FAF1: variants seen among roughly 807,000 people sequenced by gnomAD.
The protein encoded by FAF1 is FAS-associated factor 1.
Under a neutral mutation model 92.5 loss-of-function variants are expected in FAF1, and 25 were observed. That is an observed-to-expected ratio of 0.27 (90% CI 0.20 to 0.38). The LOEUF is 0.38. FAF1 is among the 10% of genes least tolerant of loss of function. FAF1 has a pLI of 1.00. For missense variants in FAF1, 636 were observed against 793.3 expected (o/e 0.80, Z 2.38); for synonymous variants, 234 against 273.2 (o/e 0.86, Z 1.42).
intron 18 of FAF1, chr1:50,452,024 GT>G (rs1646299242): frequency 7.8e-7 from 1 of 1,276,042 alleles, no homozygotes; most frequent in Admixed American, 2.6e-5. Context: ...GACAATATAA[GT>G]GGGGAAGGCC....
intron 17 of FAF1, among the ~76,000 whole-genome samples, chr1:50,486,920 C>T (rs766247961): frequency 1.3e-5 from 2 of 152,144 alleles, no homozygotes; most frequent in African/African-American, 2.4e-5. Context: ...ATATATTTCA[C>T]GCATTTCTCT....
At chr1:50,520,015 C>T (rs947544342) in intron 15 of FAF1, among the ~76,000 whole-genome samples, 10 of 152,042 alleles carry the variant, frequency 6.6e-5, no homozygotes, top group East Asian at 1.9e-4. Context: ...GAGCACAATG[C>T]GGATATATAG....
intron 7 of FAF1, among the ~76,000 whole-genome samples, chr1:50,669,590 G>A (rs1372617842): frequency 6.6e-6 from 1 of 152,116 alleles, no homozygotes; most frequent in East Asian, 1.9e-4. Flanking sequence ...AAGATTTCAA[G>A]AAAGCAAAAG....
intron 13 of FAF1, among the ~76,000 whole-genome samples, chr1:50,551,781 G>A (rs1008309815): frequency 6.6e-6 from 1 of 152,140 alleles, no homozygotes; most frequent in African/African-American, 2.4e-5. Flanking sequence ...TTGTCATCAG[G>A]AAATTCAATC....
intron 4 of FAF1, among the ~76,000 whole-genome samples, chr1:50,760,061 C>T (rs1660259722): frequency 6.6e-6 from 1 of 151,542 alleles, no homozygotes; most frequent in Non-Finnish European, 1.5e-5. Context: ...CGCCCTTTGT[C>T]AGATGAGTAG....
intron 8 of FAF1, among the ~76,000 whole-genome samples, chr1:50,642,212 A>G (rs1557451293): frequency 6.6e-6 from 1 of 151,468 alleles, no homozygotes; most frequent in Non-Finnish European, 1.5e-5. Context: ...CAGAAAAAAA[A>G]AAAAAAAAAA....
chr1:50,777,551 T>C (rs1418014731), intron 4 of FAF1, among the ~76,000 whole-genome samples: 1 of 151,986 alleles, frequency 6.6e-6, no homozygotes, highest in Non-Finnish European at 1.5e-5. Context: ...GACCTTAAAC[T>C]GGAAAAAAAT....
At chr1:50,673,427 A>C (rs1655986517) in intron 7 of FAF1, among the ~76,000 whole-genome samples, 1 of 152,250 alleles carries the variant, frequency 6.6e-6, no homozygotes, top group African/African-American at 2.4e-5. Flanking sequence ...AAAAATACAT[A>C]CTGAGTACCT....
chr1:50,707,677 G>C (rs1247487949), intron 6 of FAF1, among the ~76,000 whole-genome samples: 2 of 151,974 alleles, frequency 1.3e-5, no homozygotes, highest in East Asian at 1.9e-4. Context: ...CTGGGCGATA[G>C]AGGGAGACGC....
chr1:50,588,847 A>G (rs1651368056), intron 9 of FAF1, among the ~76,000 whole-genome samples: 1 of 152,188 alleles, frequency 6.6e-6, no homozygotes, highest in Non-Finnish European at 1.5e-5. Context: ...CTGGCTGCAG[A>G]CATGCCTCTG....
chr1:50,613,728 T>C (rs1335548856), intron 8 of FAF1, among the ~76,000 whole-genome samples: 2 of 152,174 alleles, frequency 1.3e-5, no homozygotes, highest in African/African-American at 4.8e-5. Context: ...TCACTCAATA[T>C]ACATGTGTTT....
Position 50,661,539 on chromosome 1 carries a change from T to A in FAF1, c.658-6011A>T, listed in dbSNP as rs116502428. Among the ~76,000 whole-genome samples the A allele has an allele frequency of 2.3e-3, 356 of 152,306 alleles. 1 individual carries two copies. The highest frequency in any genetic ancestry group is 8.4e-3 in the African/African-American group (348 of 41,578). ...TACAGCCATCCATCTCATTCTTTTATCATTCTTAGAAGAAAAAGGACTCTG... is the reference window on the plus strand; with the variant it reads ...TACAGCCATCCATCTCATTCTTTTAACATTCTTAGAAGAAAAAGGACTCTG... On this transcript the variant is annotated intron_variant, in intron 7 of 18. Coordinates refer to ENST00000396153, the MANE Select transcript of FAF1 (RefSeq NM_007051.3).
intron 1 of FAF1, among the ~76,000 whole-genome samples, chr1:50,917,680 AAAGGAAAGGAAAG>A (rs1557588586): frequency 5.3e-5 from 8 of 150,708 alleles, no homozygotes; most frequent in African/African-American, 2.0e-4. Context: ...AAAGGAAAGG[AAAGGAAAGGAAAG>A]GAAAGGAAAA....
At chr1:50,926,832 C>T (rs968941971) in intron 1 of FAF1, among the ~76,000 whole-genome samples, 1 of 152,166 alleles carries the variant, frequency 6.6e-6, no homozygotes, top group African/African-American at 2.4e-5. Flanking sequence ...GTTCATAGTA[C>T]CATTGTTGAC....
intron 6 of FAF1, among the ~76,000 whole-genome samples, chr1:50,734,074 G>GGCGT (rs1432295143): frequency 3.9e-5 from 6 of 152,332 alleles, no homozygotes; most frequent in Admixed American, 3.3e-4. Context: ...TGGGAATACA[G>GGCGT]GCGTGAGCCA....
At chr1:50,704,486 C>T (rs1243912625) in intron 7 of FAF1, among the ~76,000 whole-genome samples, 2 of 152,020 alleles carry the variant, frequency 1.3e-5, no homozygotes, top group Non-Finnish European at 2.9e-5. Context: ...TTCACATATA[C>T]AATTTAGATT....
chr1:50,739,299 T>C (rs945029745), intron 5 of FAF1, among the ~76,000 whole-genome samples: 7 of 152,042 alleles, frequency 4.6e-5, no homozygotes, highest in African/African-American at 1.7e-4. Flanking sequence ...TGTACATGTG[T>C]ACACGTACAT....
At chr1:50,500,266 T>C (rs1050161299) in intron 15 of FAF1, among the ~76,000 whole-genome samples, 1 of 152,078 alleles carries the variant, frequency 6.6e-6, no homozygotes, top group Non-Finnish European at 1.5e-5. Context: ...TCAAGATTTA[T>C]TACAAAGCTG....
At chr1:50,651,593 C>A (rs1654868333) in intron 8 of FAF1, among the ~76,000 whole-genome samples, 1 of 152,190 alleles carries the variant, frequency 6.6e-6, no homozygotes, top group Admixed American at 6.5e-5. Flanking sequence ...CACTAGGAAG[C>A]AAATGTTCAG....
Sources: allele counts gnomAD v4.1 joint callset (sites outside exome capture counted in the v4.1 genomes callset), GRCh38; gene constraint gnomAD v4.1.1; transcripts MANE v1.5; gene names NCBI Gene and HGNC (gene_info 2026-07-23, HGNC 2026-07-21).